The following DYSF variants were observed in gnomAD, a reference collection of about 807,000 sequenced individuals.
The protein encoded by DYSF is dysferlin.
DYSF carries 212 observed loss-of-function variants against 274.9 expected under a neutral mutation model. The ratio of observed to expected loss-of-function variants is 0.77; its 90% confidence interval spans 0.69 to 0.86. The LOEUF (loss-of-function observed/expected upper bound fraction) is 0.86. Ranked by LOEUF, DYSF falls within the 40% of genes least tolerant of loss-of-function variation. The pLI is 0.00. For synonymous variants in DYSF, 1,091 were observed against 1,078.7 expected (o/e 1.01, Z -0.22); for missense variants, 2,666 against 2,783.2 (o/e 0.96, Z 0.95).
chr2:71,649,591 TAGAAC>T (rs1230218853), intron 42 of DYSF, among the ~76,000 whole-genome samples: 1 of 152,034 alleles, frequency 6.6e-6, no homozygotes, highest in Non-Finnish European at 1.5e-5. Flanking sequence ...ATATAAATAC[TAGAAC>T]AGAAGCTGAG....
intron 18 of DYSF, 132 bp from the exon 19 acceptor site, chr2:71,551,475 G>C: frequency 1.3e-6 from 1 of 754,544 alleles, no homozygotes; most frequent in Admixed American, 2.1e-5. Context: ...CTCACCTGCA[G>C]GGGGGATGAG....
intron 1 of DYSF, among the ~76,000 whole-genome samples, chr2:71,455,110 G>A (rs1341434916): frequency 6.6e-6 from 1 of 152,182 alleles, no homozygotes; most frequent in African/African-American, 2.4e-5. Flanking sequence ...AGTTTCACAA[G>A]CTCCTGGATA....
chr2:71,610,983 A>AG, intron 36 of DYSF: 1 of 518,096 alleles, frequency 1.9e-6, no homozygotes, highest in Non-Finnish European at 3.5e-6. Flanking sequence ...TTATGGGAGG[A>AG]GGGGTGACGG....
upstream of DYSF, among the ~76,000 whole-genome samples, chr2:71,464,899 TG>T (rs754068856): frequency 1.3e-5 from 2 of 152,000 alleles, no homozygotes; most frequent in Non-Finnish European, 2.9e-5. Flanking sequence ...TGGTGAGATA[TG>T]GTGGGATTTT....
At chr2:71,456,075 T>C (rs1207080252) in intron 1 of DYSF, among the ~76,000 whole-genome samples, 1 of 152,128 alleles carries the variant, frequency 6.6e-6, no homozygotes, top group African/African-American at 2.4e-5. Context: ...CCCCCCATCC[T>C]GCATCCTCCC....
upstream of DYSF, among the ~76,000 whole-genome samples, chr2:71,465,790 C>T (rs1309224315): frequency 1.3e-5 from 2 of 152,084 alleles, no homozygotes; most frequent in East Asian, 1.9e-4. Context: ...GATAGAAGTG[C>T]GAAGCCAGGG....
chr2:71,589,897 C>G (rs903209860), intron 31 of DYSF, among the ~76,000 whole-genome samples: 1 of 152,094 alleles, frequency 6.6e-6, no homozygotes, highest in Non-Finnish European at 1.5e-5. Flanking sequence ...TCCACCCACT[C>G]AAATCTGAGA....
chr2:71,572,972 G>T (rs186415401), intron 29 of DYSF, among the ~76,000 whole-genome samples: 47 of 152,330 alleles, frequency 3.1e-4, no homozygotes, highest in African/African-American at 1.1e-3. Flanking sequence ...ATGAGCACAC[G>T]CAAGCACATG....
chr2:71,668,983 G>T (rs1300083870), intron 49 of DYSF, 129 bp from the exon 50 acceptor site: 1 of 1,304,796 alleles, frequency 7.7e-7, no homozygotes, highest in African/African-American at 1.5e-5. Flanking sequence ...GTTTGGGCCT[G>T]GGCCAGTGTC....
chr2:71,602,772 C>G lies in DYSF; in HGVS notation c.3928-4C>G. On this transcript the variant is annotated splice_polypyrimidine_tract_variant and splice_region_variant and intron_variant, in intron 35 of 55. Transcript: ENST00000410020. ...ATGTGCCACATCCCATGGCTGTGGG[C>G]CAGGTGCAGGAGACATCAAGGATCC... 6.2e-7 allele frequency: 1 copy of G among 1,613,000 alleles called. No individual in the cohort carries two copies. The highest frequency in any genetic ancestry group is 8.5e-7 in the Non-Finnish European group (1 of 1,179,756).
intron 32 of DYSF, 131 bp from the exon 33 acceptor site, chr2:71,598,433 A>G (rs1039909671): frequency 1.8e-5 from 20 of 1,104,676 alleles, no homozygotes; most frequent in Non-Finnish European, 2.7e-5. Context: ...GCATCCCAGC[A>G]TGAATGTTGT....
intron 16 of DYSF, among the ~76,000 whole-genome samples, chr2:71,537,223 G>GTTTTGTTTT (rs1553536523): frequency 9.3e-4 from 74 of 79,622 alleles, no homozygotes; most frequent in African/African-American, 1.7e-3. Flanking sequence ...TTCTAGTTTT[G>GTTTTGTTTT]TTTTTTTTTT....
chr2:71,576,612 C>T (rs900005540), intron 30 of DYSF, among the ~76,000 whole-genome samples: 1 of 152,216 alleles, frequency 6.6e-6, no homozygotes, highest in Non-Finnish European at 1.5e-5. Context: ...AAGGCTGACA[C>T]ACACGGTGAA....
In DYSF at chr2:71,590,481, A is replaced by C. The variant is rs576002693; in HGVS notation, c.3574+193A>C. Reference sequence around the variant, plus strand: ...ATGGCCTGCTGGTCTTCTTGGTAGGATCAGGCTTCGCTGACTGTCCCCTCT... The same window carrying C: ...ATGGCCTGCTGGTCTTCTTGGTAGGCTCAGGCTTCGCTGACTGTCCCCTCT... On this transcript the variant is annotated intron_variant, in intron 32 of 55. Coordinates refer to ENST00000410020, the MANE Select transcript of DYSF (RefSeq NM_001130987.2). Among the ~76,000 whole-genome samples the C allele has an allele frequency of 3.0e-4, 45 of 152,112 alleles. 1 individual carries two copies. The highest frequency in any genetic ancestry group is 1.0e-3 in the African/African-American group (43 of 41,498).
At chr2:71,555,382 G>A (rs2091267244) in intron 21 of DYSF, among the ~76,000 whole-genome samples, 1 of 152,110 alleles carries the variant, frequency 6.6e-6, no homozygotes, top group African/African-American at 2.4e-5. Flanking sequence ...ACAGTCCTTG[G>A]CCTCTCAGCT....
upstream of DYSF, among the ~76,000 whole-genome samples, chr2:71,465,753 CAG>C (rs1344160363): frequency 2.6e-5 from 4 of 152,178 alleles, no homozygotes; most frequent in African/African-American, 9.7e-5. Flanking sequence ...AGTGCCCTGA[CAG>C]GGGCTAGGTG....
chr2:71,555,195 A>G (rs762229393), intron 21 of DYSF, among the ~76,000 whole-genome samples: 4 of 152,134 alleles, frequency 2.6e-5, no homozygotes, highest in East Asian at 1.9e-4. Context: ...AGTTGATGCT[A>G]TATAGCTCCA....
intron 36 of DYSF, among the ~76,000 whole-genome samples, chr2:71,607,629 G>C (rs1423739942): frequency 1.3e-5 from 2 of 152,184 alleles, no homozygotes; most frequent in African/African-American, 4.8e-5. Flanking sequence ...GTAGTGGCTT[G>C]CACTGAGCAA....
chr2:71,507,769 G>A (rs2085643815), intron 4 of DYSF, among the ~76,000 whole-genome samples: 1 of 152,196 alleles, frequency 6.6e-6, no homozygotes, highest in Admixed American at 6.5e-5. Flanking sequence ...TGGCCTCTGG[G>A]GCCACTGCAC....
Sources: gnomAD v4.1 joint callset for allele counts (sites outside exome capture counted in the v4.1 genomes callset) on GRCh38, gnomAD v4.1.1 for gene constraint, MANE v1.5 for transcripts, NCBI Gene and HGNC (gene_info 2026-07-23, HGNC 2026-07-21) for gene names.